NR2F1-AS1: variants seen among roughly 807,000 people sequenced by gnomAD.
NR2F1-AS1 encodes the protein NR2F1 antisense RNA 1.
At chr5:93,420,741 G>C (rs1749071472) in intron 4 of NR2F1-AS1, among the ~76,000 whole-genome samples, 1 of 152,122 alleles carries the variant, frequency 6.6e-6, no homozygotes, top group African/African-American at 2.4e-5. Context: ...AAGAGAAGTT[G>C]AGTTCTTATC....
At chr5:93,536,999 C>A (rs1751853063) in intron 4 of NR2F1-AS1, among the ~76,000 whole-genome samples, 1 of 152,174 alleles carries the variant, frequency 6.6e-6, no homozygotes, top group South Asian at 2.1e-4. Context: ...ACATGACTTG[C>A]TCCTCCTTGC....
chr5:93,482,495 C>A (rs1750621445), intron 4 of NR2F1-AS1, among the ~76,000 whole-genome samples: 1 of 152,108 alleles, frequency 6.6e-6, no homozygotes, highest in Non-Finnish European at 1.5e-5. Context: ...TCACCAGGGC[C>A]CTGGATTTCA....
intron 4 of NR2F1-AS1, among the ~76,000 whole-genome samples, chr5:93,470,994 T>C (rs529049986): frequency 2.0e-5 from 3 of 151,972 alleles, no homozygotes; most frequent in Non-Finnish European, 4.4e-5. Flanking sequence ...GGTATACTAG[T>C]TTCCATTTAT....
chr5:93,500,894 G>A (rs558762448), intron 4 of NR2F1-AS1, among the ~76,000 whole-genome samples: 2 of 152,244 alleles, frequency 1.3e-5, no homozygotes, highest in African/African-American at 4.8e-5. Context: ...GGATTACAGT[G>A]TGAGCCACCT....
intron 4 of NR2F1-AS1, among the ~76,000 whole-genome samples, chr5:93,551,597 TA>T (rs1291588988): frequency 1.3e-5 from 2 of 152,074 alleles, no homozygotes; most frequent in East Asian, 3.9e-4. Flanking sequence ...TACACAGCTT[TA>T]AAGTAAATTG....
At chr5:93,456,729 G>A (rs968175512) in intron 4 of NR2F1-AS1, among the ~76,000 whole-genome samples, 1 of 151,532 alleles carries the variant, frequency 6.6e-6, no homozygotes, top group African/African-American at 2.4e-5. Flanking sequence ...GAGGACCCAC[G>A]CCGGCACCGG....
At chr5:93,487,540 T>G (rs1324089882) in intron 4 of NR2F1-AS1, among the ~76,000 whole-genome samples, 1 of 152,062 alleles carries the variant, frequency 6.6e-6, no homozygotes, top group Admixed American at 6.6e-5. Flanking sequence ...TGACAAGGGA[T>G]GTAAAGGACC....
At chr5:93,555,163 A>G (rs1752325519) in intron 2 of NR2F1-AS1, among the ~76,000 whole-genome samples, 1 of 152,150 alleles carries the variant, frequency 6.6e-6, no homozygotes, top group Admixed American at 6.6e-5. Context: ...GCAAACTCCT[A>G]AAGTTCCTCT....
At chr5:93,553,243 C>T (rs1202795466) in intron 4 of NR2F1-AS1, among the ~76,000 whole-genome samples, 2 of 151,600 alleles carry the variant, frequency 1.3e-5, no homozygotes, top group Non-Finnish European at 2.9e-5. Flanking sequence ...AATTCTCGTG[C>T]CTCAGCTTCC....
intron 4 of NR2F1-AS1, among the ~76,000 whole-genome samples, chr5:93,481,487 T>C (rs1393188265): frequency 6.6e-6 from 1 of 152,070 alleles, no homozygotes; most frequent in African/African-American, 2.4e-5. Flanking sequence ...AGCCCACTTT[T>C]AGTAATGGAT....
rs199799365 is a variant in NR2F1-AS1 at position 93,545,319 on chromosome 5, A to G, written n.638+8442T>C. On this transcript the variant is annotated intron_variant and non_coding_transcript_variant, in intron 4 of 5. Coordinates refer to ENST00000660523, the Ensembl canonical transcript of NR2F1-AS1. ...ACAGAGGTTCTGCTATTTTGTGGAT[A>G]CACCATAAAGTACTGGTGACCTACC... 1.1e-4 allele frequency among the ~76,000 whole-genome samples: 17 copies of G among 152,348 alleles called. No homozygotes were observed. In the East Asian group the frequency reaches 3.3e-3, roughly 29 times the overall value.
intron 4 of NR2F1-AS1, among the ~76,000 whole-genome samples, chr5:93,521,226 G>C (rs1352304311): frequency 6.6e-6 from 1 of 152,238 alleles, no homozygotes; most frequent in East Asian, 1.9e-4. Flanking sequence ...ACCCAAGATG[G>C]ATTAAAGATT....
intron 4 of NR2F1-AS1, among the ~76,000 whole-genome samples, chr5:93,484,724 A>G (rs1332553192): frequency 6.6e-6 from 1 of 151,788 alleles, no homozygotes; most frequent in African/African-American, 2.4e-5. Flanking sequence ...GGGCAAAGAC[A>G]CACATAGGCT....
chr5:93,571,903 G>C (rs1752777906), intron 1 of NR2F1-AS1, among the ~76,000 whole-genome samples: 1 of 151,886 alleles, frequency 6.6e-6, no homozygotes, highest in African/African-American at 2.4e-5. Context: ...ACCTAAGTTC[G>C]GTACCTGCGA....
In NR2F1-AS1 at chr5:93,464,171, C is replaced by T. The variant is rs191121383; in HGVS notation, n.639-68629G>A. Among the ~76,000 whole-genome samples the T allele has an allele frequency of 8.8e-4, 134 of 152,268 alleles. 1 individual carries two copies. Among genetic ancestry groups the T allele is most frequent in the Non-Finnish European group, 6.2e-4 (42 of 68,034 alleles). ...GGGTGATTGAATTATGGTGGCAGGT[C>T]TTTCCATGCTGTTCTCATGATACTG... On this transcript the variant is annotated intron_variant and non_coding_transcript_variant, in intron 4 of 5. Coordinates refer to ENST00000660523, the Ensembl canonical transcript of NR2F1-AS1.
intron 4 of NR2F1-AS1, among the ~76,000 whole-genome samples, chr5:93,495,759 A>G (rs1750947102): frequency 6.6e-6 from 1 of 152,166 alleles, no homozygotes; most frequent in Admixed American, 6.5e-5. Context: ...GATGATTTGT[A>G]TATCATATAC....
rs1752975073 is a variant in NR2F1-AS1, at chr5:93,579,679, G to A, written n.313+788C>T. On this transcript the variant is annotated intron_variant and non_coding_transcript_variant, in intron 1 of 5. Coordinates refer to ENST00000660523, the Ensembl canonical transcript of NR2F1-AS1. This position sits in a 1 kb window ranked among gnomAD's most constrained non-coding sequence, Gnocchi z 5.1. ...GCAAACGCACGCCCCTGCCCCGCAC[G>A]GAGGAAAGCGCTCTTGTTGGTTTTA... Among the ~76,000 whole-genome samples, 2 of 141,820 alleles carry A rather than the reference G, an allele frequency of 1.4e-5. No homozygotes were observed. The highest frequency in any genetic ancestry group is 2.5e-4 in the South Asian group (1 of 4,028). The allele number at this position is 141,820 out of a possible 152,430, so 93.0% of individuals were successfully genotyped here.
At chr5:93,505,480 C>T (rs1171413502) in intron 4 of NR2F1-AS1, among the ~76,000 whole-genome samples, 2 of 152,190 alleles carry the variant, frequency 1.3e-5, no homozygotes, top group Non-Finnish European at 2.9e-5. Context: ...TGCACTGCCC[C>T]AGCAGAGGTT....
chr5:93,557,893 C>A (rs565678997), intron 2 of NR2F1-AS1, among the ~76,000 whole-genome samples: 1 of 152,178 alleles, frequency 6.6e-6, no homozygotes, highest in Non-Finnish European at 1.5e-5. Flanking sequence ...ATATAATGTT[C>A]TAAATCTGTT....
Sources: allele counts gnomAD v4.1 joint callset (sites outside exome capture counted in the v4.1 genomes callset), GRCh38; gene constraint gnomAD v4.1.1; non-coding constraint Gnocchi (gnomAD v3.1); transcripts MANE v1.5; gene names NCBI Gene and HGNC (gene_info 2026-07-23, HGNC 2026-07-21).